GSE1: variants seen among roughly 807,000 people sequenced by gnomAD.
The protein encoded by GSE1 is genetic suppressor element 1.
In GSE1, 32 loss-of-function variants were observed where a neutral mutation model predicts 112.6. That is an observed-to-expected ratio of 0.28 (90% CI 0.21 to 0.38). The LOEUF (loss-of-function observed/expected upper bound fraction) is 0.38, where lower values mean the gene tolerates loss of function less well. Ranked by LOEUF, GSE1 falls within the 10% of genes least tolerant of loss-of-function variation. GSE1 has a pLI of 1.00. For missense variants in GSE1, 2,348 were observed against 1,699.2 expected (o/e 1.38, Z -6.71); for synonymous variants, 1,115 against 735.6 (o/e 1.52, Z -8.35).
intron 2 of GSE1, among the ~76,000 whole-genome samples, chr16:85,393,892 G>C (rs1038196814): frequency 6.6e-6 from 1 of 152,190 alleles, no homozygotes. Context: ...CAGGGGGTTG[G>C]CCGCCAGCTT....
chr16:85,568,919 C>T (rs958097992), intron 1 of GSE1, among the ~76,000 whole-genome samples: 3 of 152,158 alleles, frequency 2.0e-5, no homozygotes, highest in East Asian at 1.9e-4. Context: ...ACTTCTCTGC[C>T]TCTACTCCCC....
chr16:85,257,522 T>C (rs1460480794), intron 1 of GSE1, among the ~76,000 whole-genome samples: 1 of 152,254 alleles, frequency 6.6e-6, no homozygotes, highest in African/African-American at 2.4e-5. Flanking sequence ...TACTTGTAAC[T>C]TGATTTACAG....
At chr16:85,203,335 A>G (rs765796366) in intron 1 of GSE1, among the ~76,000 whole-genome samples, 1 of 152,156 alleles carries the variant, frequency 6.6e-6, no homozygotes, top group Non-Finnish European at 1.5e-5. Context: ...ACCTGTGTCC[A>G]GGTCCAGTCT....
chr16:85,212,279 G>A (rs867854970), intron 1 of GSE1, among the ~76,000 whole-genome samples: 4 of 152,100 alleles, frequency 2.6e-5, no homozygotes, highest in Admixed American at 2.0e-4. Flanking sequence ...GGTGGCAGGC[G>A]CCTGTTATCC....
chr16:85,635,107 C>T (rs548526338), intron 2 of GSE1, among the ~76,000 whole-genome samples: 10 of 152,312 alleles, frequency 6.6e-5, no homozygotes, highest in Non-Finnish European at 1.0e-4. Context: ...TCCAGCTTGG[C>T]AGAGGGGACA....
chr16:85,360,696 A>T (rs1193390277), intron 2 of GSE1, among the ~76,000 whole-genome samples: 1 of 152,060 alleles, frequency 6.6e-6, no homozygotes, highest in Non-Finnish European at 1.5e-5. Flanking sequence ...GACACAGTAC[A>T]TACACGCAAA....
intron 1 of GSE1, among the ~76,000 whole-genome samples, chr16:85,568,733 A>G (rs888944496): frequency 6.6e-5 from 10 of 152,314 alleles, no homozygotes; most frequent in Admixed American, 3.3e-4. Context: ...GGTAACTCAC[A>G]GCTCATTAGC....
rs371577202 is a variant in GSE1 at position 85,661,367 on chromosome 16, C to G, written c.1862C>G (p.Pro621Arg). 6.2e-7 allele frequency: 1 copy of G among 1,612,248 alleles called. No homozygotes were observed. The highest frequency in any genetic ancestry group is 8.5e-7 in the Non-Finnish European group (1 of 1,179,652). ...AFEPSRQAAV[P>R]LVKVERVFCP... ...GAGCCCAGCCGCCAGGCAGCCGTGCCGCTGGTGAAGGTGGAGCGGGTCTTC... is the reference window on the plus strand; with the variant it reads ...GAGCCCAGCCGCCAGGCAGCCGTGCGGCTGGTGAAGGTGGAGCGGGTCTTC... Residue 621 changes from proline (P) to arginine (R), a missense_variant, in exon 9 of 16, where the codon CCG becomes CGG. Pro to Arg is a moderately radical substitution (Grantham distance 103). Transcript: ENST00000253458.
In GSE1 at chr16:85,304,604, G is replaced by GC. The variant is rs1555557444; in HGVS notation, c.2284-52859_2284-52858insC. On this transcript the variant is annotated intron_variant, in intron 1 of 2. Coordinates refer to the GSE1 transcript ENST00000637419. ...ATGGCAGCTGCCAAGCCGGGGGCGG[G>GC]GGGGTGGGGCATCCCTTTTGCCTTG... is the stretch of plus-strand genomic sequence containing the variant. 1.1e-4 allele frequency among the ~76,000 whole-genome samples: 15 copies of GC among 135,252 alleles called. 1 individual carries two copies. In the East Asian group the frequency reaches 1.3e-3, roughly 12 times the overall value. 88.7% of individuals were successfully genotyped at this position (135,252 alleles called of 152,430 possible). A position where few individuals can be genotyped will look rare whatever the true frequency, so the allele number is the denominator to read the frequency against.
At chr16:85,174,129 G>C (rs896152632) in intron 1 of GSE1, among the ~76,000 whole-genome samples, 1 of 152,206 alleles carries the variant, frequency 6.6e-6, no homozygotes, top group Non-Finnish European at 1.5e-5. Context: ...GAATGAGGCA[G>C]GCAAACAGGC....
intron 2 of GSE1, among the ~76,000 whole-genome samples, chr16:85,498,706 G>A (rs76513736): frequency 0.053 from 8,135 of 152,338 alleles, 551 homozygotes; most frequent in East Asian, 0.38. Context: ...GGCTGTGACC[G>A]CAGGGGAGAG....
intron 1 of GSE1, among the ~76,000 whole-genome samples, chr16:85,581,058 G>T (rs2046427304): frequency 6.6e-6 from 1 of 152,238 alleles, no homozygotes; most frequent in South Asian, 2.1e-4. Flanking sequence ...AGGTCAGAGG[G>T]ACACTGGTGG....
intron 2 of GSE1, among the ~76,000 whole-genome samples, chr16:85,399,636 G>A (rs1448366381): frequency 2.0e-5 from 3 of 152,164 alleles, no homozygotes; most frequent in Non-Finnish European, 4.4e-5. Flanking sequence ...ACCAAGCTTC[G>A]TGTCCTCAGC....
chr16:85,309,205 A>G (rs886270661), intron 1 of GSE1, among the ~76,000 whole-genome samples: 4 of 152,100 alleles, frequency 2.6e-5, no homozygotes, highest in African/African-American at 9.7e-5. Context: ...GCCTCATTTA[A>G]AAAGTAAAAA....
rs143329480 is a variant in GSE1 at position 85,419,375 on chromosome 16, G to C, written c.2464+61732G>C. 1.0e-3 allele frequency among the ~76,000 whole-genome samples: 156 copies of C among 152,276 alleles called. 1 individual carries two copies. In the East Asian group the frequency reaches 0.026, roughly 26 times the overall value. Reference sequence around the variant, plus strand: ...TGCCTATAATCCCAGCACTTTGGGAGGCTGAGATGGGAGGACTGCTTGAGC... The same window carrying C: ...TGCCTATAATCCCAGCACTTTGGGACGCTGAGATGGGAGGACTGCTTGAGC... On this transcript the variant is annotated intron_variant, in intron 2 of 2. Transcript: ENST00000637419. The surrounding 1 kb of genome is among the most constrained non-coding windows in gnomAD (Gnocchi z 6.5).
At chr16:85,357,159 C>T (rs944204529) in intron 1 of GSE1, among the ~76,000 whole-genome samples, 16 of 152,182 alleles carry the variant, frequency 1.1e-4, no homozygotes, top group African/African-American at 2.9e-4. Context: ...GGCCAGCTGC[C>T]GCGAGGGCTC....
chr16:85,664,909 G>C, intron 11 of GSE1, 106 bp from the exon 12 acceptor site: 2 of 746,022 alleles, frequency 2.7e-6, no homozygotes, highest in Non-Finnish European at 4.6e-6. Context: ...GGTTTTTCGG[G>C]CTTTAGTGCT....
intron 1 of GSE1, among the ~76,000 whole-genome samples, chr16:85,284,257 T>C (rs2151428054): frequency 6.6e-6 from 1 of 152,274 alleles, no homozygotes; most frequent in South Asian, 2.1e-4. Flanking sequence ...TCACAGCATG[T>C]GGCGCGAGGA....
At position 85,665,767 on chromosome 16, in the gene GSE1, C is replaced by T. The variant is rs2052799422; in HGVS notation, c.2759-209C>T. 2.0e-5 allele frequency among the ~76,000 whole-genome samples: 3 copies of T among 152,296 alleles called. No homozygotes were observed. In the South Asian group the frequency reaches 6.2e-4, roughly 32 times the overall value. ...TGGATCTGCTTCTTCCTTCTTGGGA[C>T]ATCTTTCAAGGATGGACTTGCCACT... On this transcript the variant is annotated intron_variant, in intron 12 of 15. Transcript: ENST00000253458.
Sources: gnomAD v4.1 joint callset for allele counts (sites outside exome capture counted in the v4.1 genomes callset) on GRCh38, gnomAD v4.1.1 for gene constraint, Gnocchi (gnomAD v3.1) non-coding constraint, MANE v1.5 for transcripts, NCBI Gene and HGNC (gene_info 2026-07-23, HGNC 2026-07-21) for gene names.